FBXO27: variants seen among roughly 807,000 people sequenced by gnomAD.
FBXO27 encodes F-box protein 27.
In FBXO27, 28 loss-of-function variants were observed where a neutral mutation model predicts 28.3. The ratio of observed to expected loss-of-function variants is 0.99; its 90% CI spans 0.73 to 1.36. The LOEUF is 1.36. FBXO27 is among the 40% of genes most tolerant of loss of function. The pLI is 0.00. For missense variants in FBXO27, 388 were observed against 394.1 expected (o/e 0.98, Z 0.13); for synonymous variants, 175 against 167.3 (o/e 1.05, Z -0.36).
chr19:39,026,483 A>AT (rs997524038), intron 5 of FBXO27, among the ~76,000 whole-genome samples: 15 of 149,778 alleles, frequency 1.0e-4, no homozygotes, highest in South Asian at 6.4e-4. Context: ...ACTGTCATTG[A>AT]TTTTTTTTTT....
chr19:39,015,999 G>A (rs1332652020), intron 1 of FBXO27, among the ~76,000 whole-genome samples: 2 of 152,152 alleles, frequency 1.3e-5, no homozygotes, highest in East Asian at 3.9e-4. Flanking sequence ...TCGAACCCGG[G>A]AGGCGGAGGT....
intron 2 of FBXO27, 59 bp downstream of exon 2, chr19:39,031,805 G>A: frequency 7.1e-7 from 1 of 1,413,934 alleles, no homozygotes; most frequent in Non-Finnish European, 9.1e-7. Context: ...CGCCCCTCCG[G>A]CCCCGCTACC....
At chr19:39,023,305 T>C (rs919693463), downstream of FBXO27, among the ~76,000 whole-genome samples, 3 of 152,206 alleles carry the variant, frequency 2.0e-5, no homozygotes, top group Non-Finnish European at 4.4e-5. Flanking sequence ...GAGGGCCAAC[T>C]GTGTATGTTT....
Position 39,025,323 on chromosome 19 carries a change from GCT to G in FBXO27, c.*86_*87del. Reference sequence around the variant, plus strand: ...CTCAGTATGCCAGGGAGGTACAAGTGCTTGGTTGGTTAATGAGGGGTCCCAGC... The same window carrying G: ...CTCAGTATGCCAGGGAGGTACAAGTGTGGTTGGTTAATGAGGGGTCCCAGC... On this transcript the variant is annotated 3_prime_UTR_variant, in exon 6 of 6. Transcript: ENST00000292853. The G allele has an allele frequency of 6.7e-7, 1 of 1,495,900 alleles. No individual in the cohort carries two copies. Among genetic ancestry groups the G allele is most frequent in the East Asian group, 2.3e-5 (1 of 42,870 alleles). 92.7% of individuals were successfully genotyped at this position (1,495,900 alleles called of 1,614,324 possible).
intron 5 of FBXO27, 112 bp from the exon 6 acceptor site, chr19:39,025,666 A>G (rs2072869279): frequency 4.6e-6 from 6 of 1,300,370 alleles, no homozygotes; most frequent in Admixed American, 2.7e-5. Flanking sequence ...AAAATCTCCA[A>G]TTGGGCCACA....
intron 2 of FBXO27, among the ~76,000 whole-genome samples, chr19:39,011,710 C>T: frequency 6.8e-6 from 1 of 147,736 alleles, no homozygotes; most frequent in Non-Finnish European, 1.5e-5. Context: ...GGGGGGGTCT[C>T]CCTTTGTTGC....
At chr19:39,025,832 C>G (rs62119464) in intron 5 of FBXO27, among the ~76,000 whole-genome samples, 6 of 151,810 alleles carry the variant, frequency 4.0e-5, no homozygotes, top group African/African-American at 1.5e-4. Flanking sequence ...CTGGCCAACA[C>G]GGTGAAACCC....
At chr19:39,005,868 G>A (rs2144876397) in intron 2 of FBXO27, among the ~76,000 whole-genome samples, 1 of 152,306 alleles carries the variant, frequency 6.6e-6, no homozygotes, top group East Asian at 1.9e-4. Flanking sequence ...TATTTACAGT[G>A]TTTTAAAGAA....
Position 39,032,106 on chromosome 19 carries a change from A to T in FBXO27, c.122T>A (p.Val41Asp). 1 of 1,531,252 alleles carries T rather than the reference A, an allele frequency of 6.5e-7. No individual in the cohort carries two copies. The highest frequency in any genetic ancestry group is 8.7e-7 in the Non-Finnish European group (1 of 1,146,580). 94.9% of individuals were successfully genotyped at this position (1,531,252 alleles called of 1,614,324 possible). A position where few individuals can be genotyped will look rare whatever the true frequency, so the allele number is the denominator to read the frequency against. Residue 41 changes from valine to aspartate, a missense_variant, in exon 2 of 6, where the codon GTC (valine) becomes GAC (aspartate). Transcript: ENST00000292853. This position sits in a 1 kb window ranked among gnomAD's most constrained non-coding sequence, Gnocchi z 4.7. ...PELLLVVLSH[V>D]PPRTLLGRCR... ...GCGCCCGAGCAGCGTGCGCGGGGGGACGTGGCTCAGCACCACCAGAAGCAG... is the reference window on the plus strand; with the variant it reads ...GCGCCCGAGCAGCGTGCGCGGGGGGTCGTGGCTCAGCACCACCAGAAGCAG...
At position 39,025,179 on chromosome 19, in the gene FBXO27, T is replaced by G; in HGVS notation, c.*232A>C. On this transcript the variant is annotated 3_prime_UTR_variant, in exon 6 of 6. Coordinates refer to ENST00000292853, the MANE Select transcript of FBXO27 (RefSeq NM_178820.5). ...ACTTGTGGGTTTCCCCTCAGTACAG[T>G]AGGGCCCCCCCGCAAAGCAGCAGCT... 1.8e-6 allele frequency: 1 copy of G among 545,304 alleles called. No individual in the cohort carries two copies. The highest frequency in any genetic ancestry group is 3.2e-6 in the Non-Finnish European group (1 of 315,780). The allele number at this position is 545,304 out of a possible 1,614,324, so 33.8% of individuals were successfully genotyped here.
At chr19:39,007,871 C>T (rs148267577) in intron 2 of FBXO27, among the ~76,000 whole-genome samples, 10,454 of 151,782 alleles carry the variant, frequency 0.069, 1,220 homozygotes, top group African/African-American at 0.24. Context: ...AGGCTGGGCT[C>T]GAACTCCTGG....
At chr19:39,016,112 C>T (rs2072818461) in intron 1 of FBXO27, among the ~76,000 whole-genome samples, 1 of 152,052 alleles carries the variant, frequency 6.6e-6, no homozygotes. Flanking sequence ...GACCAGTGGT[C>T]CTCTGGGGTT....
intron 4 of FBXO27, among the ~76,000 whole-genome samples, chr19:39,027,895 G>A (rs1326247574): frequency 1.3e-5 from 2 of 152,092 alleles, no homozygotes; most frequent in South Asian, 4.1e-4. Context: ...AGCGAGGATG[G>A]TCTTAGGGAT....
At chr19:39,017,442 C>G (rs2072825212) in intron 1 of FBXO27, among the ~76,000 whole-genome samples, 1 of 151,906 alleles carries the variant, frequency 6.6e-6, no homozygotes, top group Non-Finnish European at 1.5e-5. Context: ...GCCTGTAATC[C>G]CAGCACTTTG....
In FBXO27 at chr19:39,032,093, C is replaced by CT; in HGVS notation, c.134_135insA (p.Leu46AlafsTer50). ...ACACTTGGCGGCAGCGCCCGAGCAG[C>CT]GTGCGCGGGGGGACGTGGCTCAGCA... On this transcript the variant is annotated frameshift_variant, in exon 2 of 6. Transcript: ENST00000292853. LOFTEE classifies it high-confidence loss of function. The surrounding 1 kb of genome is among the most constrained non-coding windows in gnomAD (Gnocchi z 4.7). The CT allele has an allele frequency of 2.0e-6, 3 of 1,532,518 alleles. No individual in the cohort carries two copies. Among genetic ancestry groups the CT allele is most frequent in the Non-Finnish European group, 2.6e-6 (3 of 1,146,432 alleles). 94.9% of individuals were successfully genotyped at this position (1,532,518 alleles called of 1,614,324 possible). A position where few individuals can be genotyped will look rare whatever the true frequency, so the allele number is the denominator to read the frequency against.
At chr19:39,015,098 T>C (rs1179803449) in intron 1 of FBXO27, among the ~76,000 whole-genome samples, 1 of 151,004 alleles carries the variant, frequency 6.6e-6, no homozygotes, top group Non-Finnish European at 1.5e-5. Context: ...GGTGGATTGC[T>C]TGAGTCCAGG....
chr19:39,031,550 G>T, intron 2 of FBXO27: 1 of 615,352 alleles, frequency 1.6e-6, no homozygotes, highest in Non-Finnish European at 2.8e-6. Flanking sequence ...CCTCTCTCGG[G>T]CTCCCAGAAC....
chr19:39,015,990 C>T (rs1404675170), intron 1 of FBXO27, among the ~76,000 whole-genome samples: 1 of 152,122 alleles, frequency 6.6e-6, no homozygotes. Context: ...GAGCATCTCT[C>T]GAACCCGGGA....
Position 39,031,906 on chromosome 19 carries a change from TGC to T in FBXO27, c.320_321del (p.Arg107GlnfsTer74), listed in dbSNP as rs2072907048. ...CGAATAAGGTTGCGTCCGATGGGTC[TGC>T]GCGCGCAGAAGCGGCCCAGGGGGCA... ...RPCPLGRFCA[R>X]RPIGRNLIRN... On this transcript the variant is annotated frameshift_variant, in exon 2 of 6. Transcript: ENST00000292853. LOFTEE classifies it high-confidence loss of function. 1 of 1,501,016 alleles carries T rather than the reference TGC, an allele frequency of 6.7e-7. No individual in the cohort carries two copies. Among genetic ancestry groups the T allele is most frequent in the African/African-American group, 1.5e-5 (1 of 68,702 alleles). The allele number at this position is 1,501,016 out of a possible 1,614,324, so 93.0% of individuals were successfully genotyped here.
Sources: gnomAD v4.1 joint callset for allele counts (sites outside exome capture counted in the v4.1 genomes callset) on GRCh38, gnomAD v4.1.1 for gene constraint, Gnocchi (gnomAD v3.1) non-coding constraint, MANE v1.5 for transcripts, NCBI Gene and HGNC (gene_info 2026-07-23, HGNC 2026-07-21) for gene names.